DPH7: variants seen among roughly 807,000 people sequenced by gnomAD.
DPH7 encodes the protein diphthamide biosynthesis 7, also known as diphthine methyltransferase.
Under a neutral mutation model 41.7 loss-of-function variants are expected in DPH7, and 44 were observed. That is an observed-to-expected ratio of 1.05 (90% CI 0.83 to 1.36). The LOEUF (loss-of-function observed/expected upper bound fraction) is 1.36, where lower values mean the gene tolerates loss of function less well. Among genes scored for constraint, DPH7 ranks in the 40% most tolerant of loss-of-function variants. DPH7 has a pLI of 0.00. For synonymous variants in DPH7, 275 were observed against 238.0 expected, an observed-to-expected ratio of 1.16 and a Z score of -1.43; for missense variants, 629 against 577.5, an observed-to-expected ratio of 1.09 and a Z score of -0.91.
chr9:137,555,194 C>A lies in DPH7; in HGVS notation c.*45G>T. Reference sequence around the variant, plus strand: ...GTGGTCCCGGGCACTCACTCGCAGTCTCCCTCCTGGTTTCCTTGTGGGAAG... The same window carrying A: ...GTGGTCCCGGGCACTCACTCGCAGTATCCCTCCTGGTTTCCTTGTGGGAAG... On this transcript the variant is annotated 3_prime_UTR_variant, in exon 9 of 9. Transcript: ENST00000277540. 1 of 1,547,386 alleles carries A rather than the reference C, an allele frequency of 6.5e-7. No individual in the cohort carries two copies. Among genetic ancestry groups the A allele is most frequent in the Non-Finnish European group, 8.7e-7 (1 of 1,145,840 alleles).
chr9:137,575,899 G>A (rs1841294255), intron 3 of DPH7, 181 bp downstream of exon 3: 1 of 1,407,718 alleles, frequency 7.1e-7, no homozygotes, highest in Admixed American at 2.8e-5. Flanking sequence ...CTTCCTCTTG[G>A]AGTTGGATGT....
rs1458533683 is a variant in DPH7 at position 137,555,209 on chromosome 9, C to G, written c.*30G>C. 1 of 1,559,020 alleles carries G rather than the reference C, an allele frequency of 6.4e-7. No individual in the cohort carries two copies. Among genetic ancestry groups the G allele is most frequent in the East Asian group, 2.3e-5 (1 of 44,362 alleles). On this transcript the variant is annotated 3_prime_UTR_variant, in exon 9 of 9. Coordinates refer to ENST00000277540, the MANE Select transcript of DPH7 (RefSeq NM_138778.5). The stretch of plus-strand genomic sequence containing the variant: ...CACTCGCAGTCTCCCTCCTGGTTTC[C>G]TTGTGGGAAGGGGCTTCATGATTTC...
intron 3 of DPH7, 62 bp from the exon 4 acceptor site, chr9:137,574,905 T>G: frequency 6.2e-7 from 1 of 1,602,852 alleles, no homozygotes; most frequent in Non-Finnish European, 8.5e-7. Context: ...CCAAAAGACT[T>G]TTCCTCTCCT....
intron 8 of DPH7, among the ~76,000 whole-genome samples, chr9:137,558,947 C>T (rs1463675763): frequency 2.0e-5 from 3 of 152,112 alleles, no homozygotes; most frequent in Non-Finnish European, 2.9e-5. Flanking sequence ...TGAGACACTG[C>T]GCCCGGCCTT....
chr9:137,555,817 TGGA>T (rs906999132), intron 8 of DPH7, among the ~76,000 whole-genome samples, 169 bp from the exon 9 acceptor site: 1 of 152,100 alleles, frequency 6.6e-6, no homozygotes, highest in African/African-American at 2.4e-5. Context: ...GGGCATATGT[TGGA>T]GAAGAAACAG....
intron 8 of DPH7, among the ~76,000 whole-genome samples, chr9:137,559,879 G>A (rs1440122164): frequency 5.9e-5 from 9 of 152,154 alleles, no homozygotes; most frequent in South Asian, 2.1e-4. Flanking sequence ...GTGGTCCCCC[G>A]GGCCCAGCTG....
chr9:137,569,320 C>A (rs1419474807), intron 5 of DPH7, among the ~76,000 whole-genome samples: 1 of 112,584 alleles, frequency 8.9e-6, no homozygotes, highest in African/African-American at 3.4e-5. Flanking sequence ...CCCACCCACC[C>A]CCCACCCACC....
At chr9:137,573,233 C>A (rs1186058066) in intron 5 of DPH7, among the ~76,000 whole-genome samples, 1 of 150,918 alleles carries the variant, frequency 6.6e-6, no homozygotes, top group Non-Finnish European at 1.5e-5. Context: ...TGGTGGCGGG[C>A]ACCTGTAGTC....
chr9:137,557,358 T>C (rs1564400752), intron 8 of DPH7, among the ~76,000 whole-genome samples: 1 of 152,082 alleles, frequency 6.6e-6, no homozygotes, highest in East Asian at 1.9e-4. Flanking sequence ...ATACAAAAAC[T>C]AGCTGGGTGT....
At position 137,564,542 on chromosome 9, in the gene DPH7, C is replaced by A. The variant is rs762677167; in HGVS notation, c.841G>T (p.Val281Leu). 6.2e-7 allele frequency: 1 copy of A among 1,614,146 alleles called. No homozygotes were observed. Among genetic ancestry groups the A allele is most frequent in the Admixed American group, 1.7e-5 (1 of 60,022 alleles). ...NMKQPLADTPVQGGVWRIKWH... is the reference protein window; with the variant it reads ...NMKQPLADTPLQGGVWRIKWH... ...TTGATTCTCCATACCCCACCCTGCA[C>A]AGGCGTATCTGCCAACGGCTGCTTC... The change falls in exon 8 of 9, where the codon GTG becomes TTG. Residue 281 changes from valine to leucine, a missense_variant. Coordinates refer to ENST00000277540, the MANE Select transcript of DPH7 (RefSeq NM_138778.5).
intron 8 of DPH7, among the ~76,000 whole-genome samples, chr9:137,563,550 G>C (rs1416150635): frequency 9.2e-5 from 11 of 119,768 alleles, no homozygotes; most frequent in African/African-American, 3.3e-4. Flanking sequence ...AAAAAAAAAA[G>C]AGGAATACCA....
intron 8 of DPH7, among the ~76,000 whole-genome samples, chr9:137,561,416 T>C (rs1438425104): frequency 6.6e-6 from 1 of 151,966 alleles, no homozygotes; most frequent in East Asian, 2.0e-4. Context: ...GGCAGGTGCC[T>C]GTATTCCCAG....
chr9:137,562,291 C>T (rs1028038339), intron 8 of DPH7, among the ~76,000 whole-genome samples: 3 of 152,108 alleles, frequency 2.0e-5, no homozygotes, highest in Admixed American at 6.6e-5. Flanking sequence ...AACACACGTC[C>T]GCAAGTGCAC....
rs201063834 is a variant in DPH7, at chr9:137,577,563, C to T, written c.194G>A (p.Arg65His). ...EVKEPQVRLG[R>H]LFLYSFNDNN... ...GTCATTGAAACTGTACAGGAAGAGA[C>T]GGCCTAAACGGACCTGAGGCTCCTT... is the stretch of plus-strand genomic sequence containing the variant. The change falls in exon 2 of 9, where the codon CGT becomes CAT. Residue 65 changes from arginine (R) to histidine (H), a missense_variant. Transcript: ENST00000277540. The T allele has an allele frequency of 7.8e-5, 126 of 1,613,992 alleles. 1 individual carries two copies. Among genetic ancestry groups the T allele is most frequent in the African/African-American group, 5.2e-4 (39 of 75,042 alleles).
In DPH7 at chr9:137,564,618, C is replaced by T; in HGVS notation, c.777-12G>A. 1 of 1,605,402 alleles carries T rather than the reference C, an allele frequency of 6.2e-7. No homozygotes were observed. Among genetic ancestry groups the T allele is most frequent in the Non-Finnish European group, 8.5e-7 (1 of 1,173,054 alleles). ...TGTGTTCATCATAGCTGAAACCGAC[C>T]AACCACAGGAGGCATATAAGGAAAG... is the stretch of plus-strand genomic sequence containing the variant. On this transcript the variant is annotated splice_polypyrimidine_tract_variant and intron_variant, in intron 7 of 8. Transcript: ENST00000277540.
At chr9:137,578,246 G>C (rs1841780876) in intron 1 of DPH7, 1 of 153,446 alleles carries the variant, frequency 6.5e-6, no homozygotes, top group Non-Finnish European at 1.4e-5. Context: ...CTCACTGCAA[G>C]CTCTGCCTCC....
chr9:137,574,182 G>A (rs1291242692), intron 5 of DPH7, 26 bp downstream of exon 5: 1 of 1,608,690 alleles, frequency 6.2e-7, no homozygotes, highest in Non-Finnish European at 8.5e-7. Context: ...CCTTCCATCA[G>A]AGGTGACCGG....
chr9:137,574,584 TGTATCTAA>T (rs1841057992), intron 4 of DPH7, 160 bp downstream of exon 4: 1 of 836,126 alleles, frequency 1.2e-6, no homozygotes, highest in Non-Finnish European at 1.9e-6. Flanking sequence ...ACTATCGCTA[TGTATCTAA>T]AATGGGGGAC....
intron 8 of DPH7, among the ~76,000 whole-genome samples, chr9:137,561,267 G>A (rs772616881): frequency 1.3e-5 from 2 of 152,090 alleles, no homozygotes; most frequent in Admixed American, 6.6e-5. Flanking sequence ...GGAACAATGT[G>A]GCATCATAGG....
Sources: gnomAD v4.1 joint callset for allele counts (sites outside exome capture counted in the v4.1 genomes callset) on GRCh38, gnomAD v4.1.1 for gene constraint, MANE v1.5 for transcripts, NCBI Gene and HGNC (gene_info 2026-07-23, HGNC 2026-07-21) for gene names.